The following HDAC9 variants were observed in gnomAD, a reference collection of about 807,000 sequenced individuals.
HDAC9 encodes the protein MEF-2 interacting transcription repressor (MITR) protein.
HDAC9 carries 41 observed loss-of-function variants against 139.4 expected under a neutral mutation model. That is an observed-to-expected ratio of 0.29 (90% confidence interval 0.23 to 0.38). The LOEUF (loss-of-function observed/expected upper bound fraction) is 0.38. HDAC9 is among the 10% of genes least tolerant of loss of function. The pLI is 1.00. For synonymous variants in HDAC9, 517 were observed against 476.2 expected (o/e 1.09, Z -1.12); for missense variants, 1,147 against 1,297.0 (o/e 0.88, Z 1.78).
At chr7:18,808,549 C>A (rs1315980721) in intron 17 of HDAC9, among the ~76,000 whole-genome samples, 8 of 151,952 alleles carry the variant, frequency 5.3e-5, no homozygotes. Flanking sequence ...AAAAATCCCA[C>A]TTACAATAGC....
Position 18,540,324 on chromosome 7 carries a change from A to G in HDAC9, c.22+44000A>G, listed in dbSNP as rs1047736667. Among the ~76,000 whole-genome samples the G allele has an allele frequency of 2.6e-5, 4 of 151,854 alleles. 1 individual carries two copies. The highest frequency in any genetic ancestry group is 2.6e-4 in the Admixed American group (4 of 15,240). ...GGTGGGAAAGTTTATAGACAGTGTAAAATTGCTGCCTTCTTTCTTACATAT... is the reference window on the plus strand; with the variant it reads ...GGTGGGAAAGTTTATAGACAGTGTAGAATTGCTGCCTTCTTTCTTACATAT... On this transcript the variant is annotated intron_variant, in intron 2 of 25. Coordinates refer to ENST00000686413, the MANE Select transcript of HDAC9 (RefSeq NM_178425.4).
At chr7:18,262,910 T>A (rs1795770497) in intron 2 of HDAC9, among the ~76,000 whole-genome samples, 1 of 146,926 alleles carries the variant, frequency 6.8e-6, no homozygotes, top group Non-Finnish European at 1.5e-5. Context: ...AAAATACAGA[T>A]TTTTTATAAA....
At chr7:18,973,399 A>G (rs1784367037) in intron 24 of HDAC9, among the ~76,000 whole-genome samples, 1 of 152,222 alleles carries the variant, frequency 6.6e-6, no homozygotes, top group African/African-American at 2.4e-5. Context: ...ATAATATTTT[A>G]TGTAACTCAT....
At chr7:18,169,164 T>C (rs1414919604) in intron 2 of HDAC9, among the ~76,000 whole-genome samples, 1 of 152,160 alleles carries the variant, frequency 6.6e-6, no homozygotes, top group African/African-American at 2.4e-5. Flanking sequence ...TTTGAACTCC[T>C]GACCTCAGGT....
In HDAC9 at chr7:18,502,186, A is replaced by G. The variant is rs113361766; in HGVS notation, c.22+5862A>G. Among the ~76,000 whole-genome samples, 1,284 of 152,316 alleles carry G rather than the reference A, an allele frequency of 8.4e-3. 21 individuals carry two copies. Among genetic ancestry groups the G allele is most frequent in the African/African-American group, 0.029 (1,218 of 41,574 alleles). ...AAGTTGACTCGTAGCAGTTTCAAGC[A>G]TCATGTTATTTATGCACGACAAACT... On this transcript the variant is annotated intron_variant, in intron 2 of 25. Transcript: ENST00000686413.
At chr7:18,769,907 G>A (rs1790143437) in intron 16 of HDAC9, among the ~76,000 whole-genome samples, 2 of 152,060 alleles carry the variant, frequency 1.3e-5, no homozygotes, top group African/African-American at 4.8e-5. Flanking sequence ...TACTTAAGAG[G>A]GACCTGTTGG....
chr7:18,405,105 C>T (rs1787889449), intron 1 of HDAC9, among the ~76,000 whole-genome samples: 1 of 152,184 alleles, frequency 6.6e-6, no homozygotes, highest in Non-Finnish European at 1.5e-5. Flanking sequence ...GGAGCATGCG[C>T]AAACTCCATA....
At chr7:18,653,659 T>G (rs1790101320) in intron 11 of HDAC9, among the ~76,000 whole-genome samples, 1 of 151,990 alleles carries the variant, frequency 6.6e-6, no homozygotes, top group Admixed American at 6.6e-5. Context: ...AAATGTGAGG[T>G]CAAGCAGATG....
intron 2 of HDAC9, among the ~76,000 whole-genome samples, chr7:18,192,100 G>A (rs1007555995): frequency 1.4e-4 from 22 of 152,180 alleles, no homozygotes; most frequent in African/African-American, 4.3e-4. Flanking sequence ...CTGGAAATGA[G>A]GTAGGATGAA....
At position 18,147,527 on chromosome 7, in the gene HDAC9, A is replaced by AT. The variant is rs200475854; in HGVS notation, c.-96-14695dup. Among the ~76,000 whole-genome samples the AT allele has an allele frequency of 9.4e-3, 1,431 of 152,128 alleles. 22 individuals carry two copies. Among genetic ancestry groups the AT allele is most frequent in the African/African-American group, 0.032 (1,331 of 41,518 alleles). Reference sequence around the variant, plus strand: ...TACATCATTGGAGCATATGTTGTTTATTTTTTTATTATGAAATATTTTAGC... The same window carrying AT: ...TACATCATTGGAGCATATGTTGTTTATTTTTTTTATTATGAAATATTTTAGC... On this transcript the variant is annotated intron_variant, in intron 1 of 12. Coordinates refer to the HDAC9 transcript ENST00000417496.
chr7:18,896,760 G>A (rs1011882976), intron 22 of HDAC9, among the ~76,000 whole-genome samples: 20 of 151,916 alleles, frequency 1.3e-4, no homozygotes, highest in African/African-American at 4.8e-4. Flanking sequence ...TAGTGACATC[G>A]GGTCACACGC....
rs538740557 is a variant in HDAC9, at chr7:18,578,302, C to T, written c.23-6979C>T. On this transcript the variant is annotated intron_variant, in intron 2 of 25. Transcript: ENST00000686413. ...AGGTGTTTTGGCCTGCTATTCGTAACGACCCCTTCACACATGTTAGCCTGC... is the reference window on the plus strand; with the variant it reads ...AGGTGTTTTGGCCTGCTATTCGTAATGACCCCTTCACACATGTTAGCCTGC... The T allele has an allele frequency of 4.1e-4, 208 of 501,962 alleles. 3 individuals are homozygous for T. The highest frequency in any genetic ancestry group is 2.8e-3 in the South Asian group (191 of 68,974). The allele number at this position is 501,962 out of a possible 1,614,324, so 31.1% of individuals were successfully genotyped here.
chr7:18,985,321 T>C (rs2129344722), intron 25 of HDAC9, among the ~76,000 whole-genome samples: 1 of 152,218 alleles, frequency 6.6e-6, no homozygotes, highest in Non-Finnish European at 1.5e-5. Flanking sequence ...TATGCGGTGT[T>C]TGGTTTTTTG....
intron 17 of HDAC9, among the ~76,000 whole-genome samples, chr7:18,799,133 A>G (rs1793077937): frequency 6.6e-6 from 1 of 151,840 alleles, no homozygotes; most frequent in Admixed American, 6.6e-5. Flanking sequence ...GCTGGTTTTA[A>G]GCATTAAAAG....
At chr7:18,577,999 G>A (rs1302597535) in intron 2 of HDAC9, among the ~76,000 whole-genome samples, 1 of 151,908 alleles carries the variant, frequency 6.6e-6, no homozygotes, top group Non-Finnish European at 1.5e-5. Flanking sequence ...CCCCACTCAC[G>A]CCCCCACTTC....
chr7:18,888,739 A>G (rs1008313163), intron 22 of HDAC9, among the ~76,000 whole-genome samples: 4 of 152,178 alleles, frequency 2.6e-5, no homozygotes, highest in African/African-American at 9.7e-5. Context: ...CACCTGTGTA[A>G]AATACATATT....
At chr7:18,941,227 C>T (rs1782007433) in intron 23 of HDAC9, among the ~76,000 whole-genome samples, 1 of 151,526 alleles carries the variant, frequency 6.6e-6, no homozygotes, top group Non-Finnish European at 1.5e-5. Flanking sequence ...CTCCCTTCAA[C>T]CCTCTCTCCC....
chr7:18,126,154 C>A (rs1407695142), intron 1 of HDAC9, among the ~76,000 whole-genome samples: 1 of 152,048 alleles, frequency 6.6e-6, no homozygotes, highest in Non-Finnish European at 1.5e-5. Flanking sequence ...TCGCTTGTGT[C>A]CTGTGGTTGA....
At chr7:18,333,294 C>CA (rs1781340248) in intron 1 of HDAC9, among the ~76,000 whole-genome samples, 1 of 151,198 alleles carries the variant, frequency 6.6e-6, no homozygotes, top group South Asian at 2.1e-4. Flanking sequence ...CCAAAGAATA[C>CA]AAAATAGCAC....
Sources: gnomAD v4.1 joint callset for allele counts (sites outside exome capture counted in the v4.1 genomes callset) on GRCh38, gnomAD v4.1.1 for gene constraint, MANE v1.5 for transcripts, NCBI Gene and HGNC (gene_info 2026-07-23, HGNC 2026-07-21) for gene names.